Variants in SEMA5A observed in about 807,000 individuals in gnomAD.
SEMA5A encodes the protein semaphorin-5A.
Under a neutral mutation model 135.5 loss-of-function variants are expected in SEMA5A, and 55 were observed. The ratio of observed to expected loss-of-function variants is 0.41; its 90% confidence interval spans 0.33 to 0.51. The LOEUF (loss-of-function observed/expected upper bound fraction) is 0.51, where lower values mean the gene tolerates loss of function less well. Among genes scored for constraint, SEMA5A ranks in the 20% least tolerant of loss-of-function variants. The probability of loss-of-function intolerance (pLI) is 0.37; values close to 1 mark genes in which losing one functional copy is unlikely to be tolerated. For synonymous variants in SEMA5A, 580 were observed against 546.5 expected, an observed-to-expected ratio of 1.06 and a Z score of -0.85; for missense variants, 1,290 against 1,419.9, an observed-to-expected ratio of 0.91 and a Z score of 1.47.
intron 4 of SEMA5A, among the ~76,000 whole-genome samples, chr5:9,331,952 C>G (rs1443064501): frequency 6.6e-6 from 1 of 152,192 alleles, no homozygotes; most frequent in African/African-American, 2.4e-5. Flanking sequence ...TACATTTATA[C>G]AGACATATCT....
chr5:9,445,600 C>T (rs1247685212), intron 1 of SEMA5A, among the ~76,000 whole-genome samples: 10 of 151,874 alleles, frequency 6.6e-5, no homozygotes, highest in East Asian at 1.9e-4. Context: ...ACCCGGGAGA[C>T]GGAGCTTGCA....
intron 4 of SEMA5A, among the ~76,000 whole-genome samples, chr5:9,333,157 T>G (rs1486919930): frequency 6.6e-6 from 1 of 152,118 alleles, no homozygotes; most frequent in East Asian, 1.9e-4. Flanking sequence ...CTGAGATAGA[T>G]GTTAAAAAAT....
intron 4 of SEMA5A, among the ~76,000 whole-genome samples, chr5:9,332,102 C>T (rs1258867886): frequency 6.7e-6 from 1 of 150,200 alleles, no homozygotes. Flanking sequence ...GTCAGAAGTA[C>T]AAGGTGTGTA....
rs1291639278 is a variant in SEMA5A at position 9,040,807 on chromosome 5, G to A, written c.*2090C>T. 6.6e-6 allele frequency: 1 copy of A among 152,118 alleles called. No individual in the cohort carries two copies. The highest frequency in any genetic ancestry group is 6.5e-5 in the Admixed American group (1 of 15,274). The allele number at this position is 152,118 out of a possible 1,614,324, so 9.4% of individuals were successfully genotyped here. A position where few individuals can be genotyped will look rare whatever the true frequency, so the allele number is the denominator to read the frequency against. On this transcript the variant is annotated 3_prime_UTR_variant, in exon 23 of 23. Coordinates refer to ENST00000382496, the MANE Select transcript of SEMA5A (RefSeq NM_003966.3). ...AAATATTAGAATCCTCTTTACCAGG[G>A]AAAATAAAATGTCCCTTTAAGCTTA...
intron 5 of SEMA5A, among the ~76,000 whole-genome samples, chr5:9,289,613 C>G (rs58815047): frequency 6.6e-6 from 1 of 151,480 alleles, no homozygotes; most frequent in Non-Finnish European, 1.5e-5. Context: ...TACAGTGAGA[C>G]GAGATTGCGC....
chr5:9,197,728 T>TTGTATGTGTGTGTGTGTGTGTGTGTGTG lies in SEMA5A; in HGVS notation c.933-426_933-425insCACACACACACACACACACACACATACA, dbSNP rs778921009. Among the ~76,000 whole-genome samples, 18 of 59,304 alleles carry TTGTATGTGTGTGTGTGTGTGTGTGTGTG rather than the reference T, an allele frequency of 3.0e-4. 1 individual carries two copies. The highest frequency in any genetic ancestry group is 7.8e-3 in the Middle Eastern group (1 of 128). 38.9% of individuals were successfully genotyped at this position (59,304 alleles called of 152,430 possible). ...TTTGCCCAGCAGCAGGGAAAGCTGT[T>TTGTATGTGTGTGTGTGTGTGTGTGTGTG]TGTGTGTGTGTGTGTGTGTGTGTGT... On this transcript the variant is annotated intron_variant, in intron 9 of 22. Coordinates refer to ENST00000382496, the MANE Select transcript of SEMA5A (RefSeq NM_003966.3).
chr5:9,251,805 T>C (rs1483818992), intron 5 of SEMA5A, among the ~76,000 whole-genome samples: 2 of 152,194 alleles, frequency 1.3e-5, no homozygotes, highest in African/African-American at 4.8e-5. Flanking sequence ...GAGATAAGAA[T>C]GAATCAACTC....
intron 1 of SEMA5A, among the ~76,000 whole-genome samples, chr5:9,514,501 T>C (rs903702478): frequency 4.6e-5 from 7 of 152,142 alleles, no homozygotes; most frequent in African/African-American, 1.7e-4. Flanking sequence ...CATACCAAAA[T>C]CCACAGATGC....
At chr5:9,154,378 A>C in intron 12 of SEMA5A, 110 bp downstream of exon 12, 1 of 848,456 alleles carries the variant, frequency 1.2e-6, no homozygotes, top group Non-Finnish European at 1.9e-6. Flanking sequence ...AGAGGCATGA[A>C]GGGTGGCTCT....
At chr5:9,349,607 C>T (rs58779957) in intron 3 of SEMA5A, among the ~76,000 whole-genome samples, 1,542 of 152,154 alleles carry the variant, frequency 0.01, 25 homozygotes, top group African/African-American at 0.035. Context: ...TGTTAAAATG[C>T]TGTTAAAGAG....
intron 2 of SEMA5A, among the ~76,000 whole-genome samples, chr5:9,395,870 T>C (rs151056029): frequency 5.3e-5 from 8 of 152,322 alleles, no homozygotes; most frequent in African/African-American, 4.8e-5. Context: ...TCTTTGATTA[T>C]GACCACAGTA....
rs191174855 is a variant in SEMA5A at position 9,203,686 on chromosome 5, A to G, written c.647-1446T>C. Among the ~76,000 whole-genome samples, 323 of 152,328 alleles carry G rather than the reference A, an allele frequency of 2.1e-3. 2 individuals are homozygous for G. Among genetic ancestry groups the G allele is most frequent in the South Asian group, 0.015 (71 of 4,830 alleles). ...AATAAATACTCTAAATGGTTTATGT[A>G]TGATACTTTTCCCTTCAGTACAATA... On this transcript the variant is annotated intron_variant, in intron 8 of 22. Coordinates refer to ENST00000382496, the MANE Select transcript of SEMA5A (RefSeq NM_003966.3).
chr5:9,430,004 GAACTC>G (rs1473378350), intron 2 of SEMA5A, among the ~76,000 whole-genome samples: 2 of 152,206 alleles, frequency 1.3e-5, no homozygotes, highest in Non-Finnish European at 2.9e-5. Context: ...GAAGACCTGA[GAACTC>G]ACGGGGACCA....
chr5:9,457,900 C>CTTTTTTTT (rs70943966), intron 1 of SEMA5A, among the ~76,000 whole-genome samples: 1 of 70,162 alleles, frequency 1.4e-5, no homozygotes, highest in Non-Finnish European at 2.5e-5. Flanking sequence ...AGCATCTCTC[C>CTTTTTTTT]TTTTTTTTTT....
chr5:9,342,905 T>C (rs896719170), intron 3 of SEMA5A, among the ~76,000 whole-genome samples: 4 of 152,240 alleles, frequency 2.6e-5, no homozygotes, highest in Non-Finnish European at 5.9e-5. Flanking sequence ...GCCACTATGC[T>C]ATATTATTAA....
intron 2 of SEMA5A, among the ~76,000 whole-genome samples, chr5:9,412,511 AT>A (rs1214265510): frequency 3.2e-5 from 4 of 126,796 alleles, no homozygotes; most frequent in African/African-American, 1.2e-4. Context: ...TTTTTTTCAC[AT>A]GGAACAGTCC....
intron 1 of SEMA5A, among the ~76,000 whole-genome samples, chr5:9,449,849 A>G (rs1758571134): frequency 6.6e-6 from 1 of 152,194 alleles, no homozygotes; most frequent in Non-Finnish European, 1.5e-5. Flanking sequence ...TTGCTAGAGA[A>G]AACTGCAGCT....
At chr5:9,447,761 C>T (rs1301012948) in intron 1 of SEMA5A, among the ~76,000 whole-genome samples, 2 of 152,180 alleles carry the variant, frequency 1.3e-5, no homozygotes, top group Non-Finnish European at 2.9e-5. Context: ...CCTATAAACA[C>T]TGTTGTGTTT....
rs1746871433 is a variant in SEMA5A, at chr5:9,220,392, T to C, written c.646+4282A>G. On this transcript the variant is annotated intron_variant, in intron 8 of 22. Coordinates refer to ENST00000382496, the MANE Select transcript of SEMA5A (RefSeq NM_003966.3). ...AAAAAACAACAAAAAAACTTCAGGATAGATGGGAATCCAAGTAACCAAAAA... is the reference window on the plus strand; with the variant it reads ...AAAAAACAACAAAAAAACTTCAGGACAGATGGGAATCCAAGTAACCAAAAA... Among the ~76,000 whole-genome samples the C allele has an allele frequency of 2.0e-5, 3 of 148,496 alleles. No individual in the cohort carries two copies. The South Asian group carries it at 6.4e-4, about 32-fold the overall frequency.
Sources: allele counts gnomAD v4.1 joint callset (sites outside exome capture counted in the v4.1 genomes callset), GRCh38; gene constraint gnomAD v4.1.1; transcripts MANE v1.5; gene names NCBI Gene and HGNC (gene_info 2026-07-23, HGNC 2026-07-21).